ATP13A4: variants seen among roughly 807,000 people sequenced by gnomAD.
ATP13A4 encodes ATPase 13A4, also known as probable cation-transporting ATPase 13A4.
Under a neutral mutation model 142.5 loss-of-function variants are expected in ATP13A4, and 114 were observed. The ratio of observed to expected loss-of-function variants is 0.80; its 90% CI spans 0.69 to 0.93. The LOEUF (loss-of-function observed/expected upper bound fraction) is 0.93. Ranked by LOEUF, ATP13A4 falls within the 40% of genes least tolerant of loss-of-function variation. The probability of loss-of-function intolerance (pLI) is 0.00; values close to 1 mark genes in which losing one functional copy is unlikely to be tolerated. For missense variants in ATP13A4, 1,392 were observed against 1,454.0 expected, an observed-to-expected ratio of 0.96 and a Z score of 0.69; for synonymous variants, 488 against 514.8, an observed-to-expected ratio of 0.95 and a Z score of 0.70.
At chr3:193,551,124 A>G (rs938736606) in intron 1 of ATP13A4, among the ~76,000 whole-genome samples, 1 of 152,174 alleles carries the variant, frequency 6.6e-6, no homozygotes, top group Non-Finnish European at 1.5e-5. Flanking sequence ...ATAAAAGTAC[A>G]TATTCCTGGC....
chr3:193,581,187 G>A (rs1490210186), intron 2 of ATP13A4, among the ~76,000 whole-genome samples: 2 of 152,192 alleles, frequency 1.3e-5, no homozygotes, highest in African/African-American at 4.8e-5. Context: ...CTTCTTTACT[G>A]AATTAGATAA....
Position 193,442,886 on chromosome 3 carries a change from G to A in ATP13A4, c.2153-330C>T, listed in dbSNP as rs185944294. ...CCTCTGGTTTAGTAGAGTATCTGGT[G>A]GTTCCACTTCCAGGCAAAATGGAGT... is the stretch of plus-strand genomic sequence containing the variant. On this transcript the variant is annotated intron_variant, in intron 18 of 29. Coordinates refer to ENST00000342695, the MANE Select transcript of ATP13A4 (RefSeq NM_032279.4). Among the ~76,000 whole-genome samples the A allele has an allele frequency of 7.7e-4, 118 of 152,278 alleles. 1 individual carries two copies. Among genetic ancestry groups the A allele is most frequent in the African/African-American group, 2.7e-3 (111 of 41,538 alleles).
chr3:193,474,337 A>AC lies in ATP13A4; in HGVS notation c.809-3345_809-3344insG, dbSNP rs1163834079. Among the ~76,000 whole-genome samples, 219 of 148,750 alleles carry AC rather than the reference A, an allele frequency of 1.5e-3. 4 individuals are homozygous for AC. Among genetic ancestry groups the AC allele is most frequent in the Admixed American group, 2.4e-3 (36 of 14,872 alleles). On this transcript the variant is annotated intron_variant, in intron 8 of 29. Coordinates refer to ENST00000342695, the MANE Select transcript of ATP13A4 (RefSeq NM_032279.4). ...GACTCCGTCTCAAAAAAAAAAAAAA[A>AC]AAAAAAAAAACAAACAAAAAAGAAA...
In ATP13A4 at chr3:193,514,760, C is replaced by G. The variant is rs149643418; in HGVS notation, c.172G>C (p.Val58Leu). 2 of 1,614,164 alleles carry G rather than the reference C, an allele frequency of 1.2e-6. No individual in the cohort carries two copies. The highest frequency in any genetic ancestry group is 4.5e-5 in the East Asian group (2 of 44,882). ...GAACATGGGACACAATGTGCCCATACGTGCCATGCTGGTCTCCAGTAAAAC... is the reference window on the plus strand; with the variant it reads ...GAACATGGGACACAATGTGCCCATAGGTGCCATGCTGGTCTCCAGTAAAAC... ...LVFYWRPAWH[V>L]WAHCVPCSLQ... The change falls in exon 2 of 30, where the codon GTA (valine) becomes CTA (leucine). Residue 58 changes from valine (V) to leucine (L), a missense_variant. Val to Leu is a conservative substitution (Grantham distance 32). Transcript: ENST00000342695.
chr3:193,490,430 A>C (rs1719882358), intron 6 of ATP13A4, among the ~76,000 whole-genome samples: 1 of 152,210 alleles, frequency 6.6e-6, no homozygotes. Context: ...GAAGTCATTA[A>C]GGAACTTGAT....
intron 3 of ATP13A4, among the ~76,000 whole-genome samples, chr3:193,498,000 T>C (rs1720337782): frequency 6.6e-6 from 1 of 152,176 alleles, no homozygotes; most frequent in Non-Finnish European, 1.5e-5. Context: ...TGTTGTTCTT[T>C]TGCAGAGCAG....
chr3:193,508,604 C>T (rs77502689), intron 2 of ATP13A4, among the ~76,000 whole-genome samples: 1,970 of 152,164 alleles, frequency 0.013, 46 homozygotes, highest in African/African-American at 0.045. Flanking sequence ...AGTCTCAAAA[C>T]GATTTATCTT....
chr3:193,530,636 C>T (rs1009903390), intron 1 of ATP13A4, among the ~76,000 whole-genome samples: 1 of 152,178 alleles, frequency 6.6e-6, no homozygotes, highest in Non-Finnish European at 1.5e-5. Flanking sequence ...TCAGTTCCAC[C>T]TCTCTCTGAG....
intron 1 of ATP13A4, among the ~76,000 whole-genome samples, chr3:193,541,120 G>C (rs1255930251): frequency 6.6e-6 from 1 of 151,476 alleles, no homozygotes; most frequent in Non-Finnish European, 1.5e-5. Flanking sequence ...GTGGTGGCAG[G>C]CGCCTGTAGT....
rs1223766613 is a variant in ATP13A4, at chr3:193,417,690, A to AACAGCTATTAT, written c.2843-2941_2843-2940insATAATAGCTGT. Among the ~76,000 whole-genome samples, 840 of 150,816 alleles carry AACAGCTATTAT rather than the reference A, an allele frequency of 5.6e-3. 21 individuals are homozygous for AACAGCTATTAT. The highest frequency in any genetic ancestry group is 0.023 in the East Asian group (113 of 4,876). On this transcript the variant is annotated intron_variant, in intron 25 of 29. Coordinates refer to ENST00000342695, the MANE Select transcript of ATP13A4 (RefSeq NM_032279.4). ...TGGGAGTTCTACCCAGAGACATTAG[A>AACAGCTATTAT]CAAAAAAGAAATTGGCCAGGCGCGG...
In ATP13A4 at chr3:193,465,032, C is replaced by G; in HGVS notation, c.1369G>C (p.Ala457Pro). The G allele has an allele frequency of 6.2e-7, 1 of 1,614,122 alleles. No individual in the cohort carries two copies. Among genetic ancestry groups the G allele is most frequent in the Non-Finnish European group, 8.5e-7 (1 of 1,180,004 alleles). ...PAALTTGIIY[A>P]QRRLKKRGIF... ...CCTCTCTTCTTCAGCCTCCTCTGGG[C>G]ATAGATAATGCCTGTGGTCAGAGCA... Residue 457 changes from alanine (A) to proline (P), a missense_variant, in exon 12 of 30, where the codon GCC becomes CCC. Ala to Pro is a conservative substitution (Grantham distance 27). Transcript: ENST00000342695.
chr3:193,503,331 A>G (rs765410738), intron 2 of ATP13A4, among the ~76,000 whole-genome samples: 1 of 152,178 alleles, frequency 6.6e-6, no homozygotes, highest in Non-Finnish European at 1.5e-5. Flanking sequence ...AATTGCTTCC[A>G]TTTGCAGTTC....
At chr3:193,485,696 TAGG>T (rs1719572115) in intron 7 of ATP13A4, among the ~76,000 whole-genome samples, 1 of 152,136 alleles carries the variant, frequency 6.6e-6, no homozygotes, top group Non-Finnish European at 1.5e-5. Context: ...ATGATGATAT[TAGG>T]AGAAGGGGCC....
chr3:193,563,531 G>A (rs997492683), intron 2 of ATP13A4, among the ~76,000 whole-genome samples: 4 of 152,188 alleles, frequency 2.6e-5, no homozygotes, highest in Non-Finnish European at 4.4e-5. Flanking sequence ...GGTGGCACAT[G>A]CCTGTAATCC....
At chr3:193,545,255 CCAAGAAGG>C (rs1224458121) in intron 1 of ATP13A4, among the ~76,000 whole-genome samples, 1 of 152,108 alleles carries the variant, frequency 6.6e-6, no homozygotes, top group African/African-American at 2.4e-5. Context: ...CATAGTTCCC[CCAAGAAGG>C]CAACAGATTC....
At chr3:193,534,891 G>C (rs1348464818) in intron 1 of ATP13A4, among the ~76,000 whole-genome samples, 1 of 151,194 alleles carries the variant, frequency 6.6e-6, no homozygotes, top group Non-Finnish European at 1.5e-5. Flanking sequence ...ACCCCAAACA[G>C]AACAAACCTA....
intron 2 of ATP13A4, among the ~76,000 whole-genome samples, chr3:193,577,226 A>G (rs76160077): frequency 0.03 from 4,520 of 152,296 alleles, 231 homozygotes; most frequent in African/African-American, 0.1. Context: ...AAACAAATCC[A>G]AACATAATTT....
At chr3:193,461,090 G>C (rs1576987404) in intron 13 of ATP13A4, among the ~76,000 whole-genome samples, 1 of 152,110 alleles carries the variant, frequency 6.6e-6, no homozygotes, top group East Asian at 1.9e-4. Context: ...CAGGAAGGCA[G>C]CAAGGCAGGA....
intron 2 of ATP13A4, among the ~76,000 whole-genome samples, chr3:193,562,232 A>C (rs1481634336): frequency 6.6e-6 from 1 of 152,184 alleles, no homozygotes. Context: ...AACAAAAAAA[A>C]ACTACATTTT....
Sources: gnomAD v4.1 joint callset for allele counts (sites outside exome capture counted in the v4.1 genomes callset) on GRCh38, gnomAD v4.1.1 for gene constraint, MANE v1.5 for transcripts, NCBI Gene and HGNC (gene_info 2026-07-23, HGNC 2026-07-21) for gene names.